The following MARCHF6 variants were observed in gnomAD, a reference collection of about 807,000 sequenced individuals.
MARCHF6 encodes E3 ubiquitin-protein ligase MARCHF6.
Under a neutral mutation model 133.7 loss-of-function variants are expected in MARCHF6, and 31 were observed. The ratio of observed to expected loss-of-function variants is 0.23; its 90% CI spans 0.17 to 0.31. The LOEUF is 0.31. Ranked by LOEUF, MARCHF6 falls within the 10% of genes least tolerant of loss-of-function variation. The pLI is 1.00. For missense variants in MARCHF6, 723 were observed against 1,121.6 expected (o/e 0.64, Z 5.08); for synonymous variants, 395 against 402.5 (o/e 0.98, Z 0.22).
intron 6 of MARCHF6, among the ~76,000 whole-genome samples, chr5:10,391,198 T>A (rs1002164696): frequency 6.6e-6 from 1 of 152,190 alleles, no homozygotes; most frequent in Non-Finnish European, 1.5e-5. Flanking sequence ...AGTGGCATGA[T>A]CACACCTAAC....
intron 1 of MARCHF6, among the ~76,000 whole-genome samples, chr5:10,369,050 A>G (rs973971782): frequency 2.0e-5 from 3 of 152,190 alleles, no homozygotes; most frequent in African/African-American, 7.2e-5. Context: ...TGGAAGCTCC[A>G]TCCCTTACTG....
chr5:10,400,864 AGTTACTTTCATTCATTACTC>A, intron 11 of MARCHF6, 22 bp downstream of exon 11: 1 of 1,556,242 alleles, frequency 6.4e-7, no homozygotes, highest in Admixed American at 1.7e-5. Context: ...ACTTTTACAA[AGTTACTTTCATTCATTACTC>A]CCAAATGTGA....
Position 10,434,658 on chromosome 5 carries a change from G to GGTT in MARCHF6, c.*977_*979dup, listed in dbSNP as rs999050913. On this transcript the variant is annotated 3_prime_UTR_variant, in exon 26 of 26. Transcript: ENST00000274140. Reference sequence around the variant, plus strand: ...TGAGATGCTTGTGAAGTATAGATGTGGTTGTGGTCTTAGATTGACAGCATT... The same window carrying GGTT: ...TGAGATGCTTGTGAAGTATAGATGTGGTTGTTGTGGTCTTAGATTGACAGCATT... The GGTT allele has an allele frequency of 1.5e-4, 23 of 152,436 alleles. No homozygotes were observed. Among genetic ancestry groups the GGTT allele is most frequent in the Admixed American group, 4.6e-4 (7 of 15,258 alleles). The allele number at this position is 152,436 out of a possible 1,614,324, so 9.4% of individuals were successfully genotyped here.
At chr5:10,424,881 G>A (rs979527085) in intron 23 of MARCHF6, among the ~76,000 whole-genome samples, 3 of 152,206 alleles carry the variant, frequency 2.0e-5, no homozygotes, top group African/African-American at 7.2e-5. Context: ...CTTGGAAAAG[G>A]TAGACTGTGC....
Position 10,403,364 on chromosome 5 carries a change from G to A in MARCHF6, c.1198-43G>A, listed in dbSNP as rs767831153. ...AGATGAAAATGTTAACTTGGCAAAT[G>A]TAGGGGGCACAGATTTCTCTTACCT... On this transcript the variant is annotated intron_variant, in intron 14 of 25. Coordinates refer to ENST00000274140, the MANE Select transcript of MARCHF6 (RefSeq NM_005885.4). 8 of 1,579,928 alleles carry A rather than the reference G, an allele frequency of 5.1e-6. No individual in the cohort carries two copies. The East Asian group carries it at 1.8e-4, about 36-fold the overall frequency.
At chr5:10,381,692 T>G (rs1737156123) in intron 3 of MARCHF6, 108 bp from the exon 4 acceptor site, 2 of 836,792 alleles carry the variant, frequency 2.4e-6, no homozygotes, top group Non-Finnish European at 1.8e-6. Flanking sequence ...GGAAAAAAAT[T>G]AAGCACAAGG....
chr5:10,378,600 A>T (rs543416193), intron 2 of MARCHF6, among the ~76,000 whole-genome samples, 159 bp from the exon 3 acceptor site: 1 of 152,358 alleles, frequency 6.6e-6, no homozygotes, highest in Non-Finnish European at 1.5e-5. Flanking sequence ...TTTCATTCTT[A>T]GAAGGCAGTT....
At chr5:10,427,491 GTT>G (rs1740148487) in intron 24 of MARCHF6, among the ~76,000 whole-genome samples, 1 of 152,200 alleles carries the variant, frequency 6.6e-6, no homozygotes, top group South Asian at 2.1e-4. Context: ...TATACTCTGA[GTT>G]TTGATTAAAC....
chr5:10,422,454 C>G (rs753544746), intron 22 of MARCHF6, among the ~76,000 whole-genome samples: 1 of 152,022 alleles, frequency 6.6e-6, no homozygotes, highest in East Asian at 1.9e-4. Context: ...TTATTAGACA[C>G]GGGGAAATCA....
intron 1 of MARCHF6, among the ~76,000 whole-genome samples, chr5:10,356,049 C>G (rs939118989): frequency 6.6e-6 from 1 of 152,006 alleles, no homozygotes; most frequent in Non-Finnish European, 1.5e-5. Context: ...TGGAAGTCTT[C>G]TGACATTTTT....
intron 22 of MARCHF6, among the ~76,000 whole-genome samples, chr5:10,422,615 C>T (rs1004849383): frequency 1.3e-5 from 2 of 152,116 alleles, no homozygotes; most frequent in African/African-American, 2.4e-5. Context: ...GTTCACCTAT[C>T]AGGGTGAAGA....
In MARCHF6 at chr5:10,378,745, A is replaced by G. The variant is rs780587938; in HGVS notation, c.117-14A>G. 5.6e-5 allele frequency: 85 copies of G among 1,517,758 alleles called. No homozygotes were observed. Among genetic ancestry groups the G allele is most frequent in the Middle Eastern group, 3.4e-4 (2 of 5,806 alleles). 94.0% of individuals were successfully genotyped at this position (1,517,758 alleles called of 1,614,324 possible). ...CTGTAAACACTGTACTTATGAATCT[A>G]TTTATAATTACAGCTTAGTTCAATG... On this transcript the variant is annotated splice_polypyrimidine_tract_variant and intron_variant, in intron 2 of 25. Transcript: ENST00000274140.
chr5:10,438,863 T>A lies in MARCHF6; in HGVS notation c.*5179T>A, dbSNP rs973909542. ...TCCCCCTGCCATTACTCTTTCAGCC[T>A]TCTGCAATCTAGTTCTACTTAGTCA... is the stretch of plus-strand genomic sequence containing the variant. On this transcript the variant is annotated 3_prime_UTR_variant, in exon 26 of 26. Transcript: ENST00000274140. 2.6e-5 allele frequency: 4 copies of A among 152,264 alleles called. No individual in the cohort carries two copies. Among genetic ancestry groups the A allele is most frequent in the African/African-American group, 9.6e-5 (4 of 41,458 alleles). 9.4% of individuals were successfully genotyped at this position (152,264 alleles called of 1,614,324 possible). A position where few individuals can be genotyped will look rare whatever the true frequency, so the allele number is the denominator to read the frequency against.
chr5:10,396,595 G>T (rs1738204885), intron 9 of MARCHF6, among the ~76,000 whole-genome samples: 1 of 152,186 alleles, frequency 6.6e-6, no homozygotes, highest in South Asian at 2.1e-4. Flanking sequence ...CTTGATGGTT[G>T]CGGGGAAGGT....
chr5:10,390,511 T>C lies in MARCHF6; in HGVS notation c.576+11T>C. Reference sequence around the variant, plus strand: ...CATCACCAAAATGAGGTAACTCCCCTACCCCAAAATTGATTTTACTTAGGT... The same window carrying C: ...CATCACCAAAATGAGGTAACTCCCCCACCCCAAAATTGATTTTACTTAGGT... On this transcript the variant is annotated intron_variant, in intron 6 of 25. Transcript: ENST00000274140. The C allele has an allele frequency of 6.2e-7, 1 of 1,609,076 alleles. No homozygotes were observed. The highest frequency in any genetic ancestry group is 1.1e-5 in the South Asian group (1 of 90,550).
chr5:10,363,191 G>C (rs1480541800), intron 1 of MARCHF6, among the ~76,000 whole-genome samples: 1 of 152,158 alleles, frequency 6.6e-6, no homozygotes, highest in Admixed American at 6.5e-5. Context: ...GGATAAATCA[G>C]ATGGCATCAA....
intron 10 of MARCHF6, 66 bp downstream of exon 10, chr5:10,397,410 T>A: frequency 1.7e-6 from 2 of 1,146,782 alleles, no homozygotes; most frequent in Non-Finnish European, 2.5e-6. Flanking sequence ...GTAGGAGCCT[T>A]GTTATAGGTT....
chr5:10,395,098 C>T (rs778611930), intron 9 of MARCHF6, among the ~76,000 whole-genome samples: 1 of 152,158 alleles, frequency 6.6e-6, no homozygotes, highest in Non-Finnish European at 1.5e-5. Context: ...CGCGCCCGGC[C>T]AAAACTAATT....
intron 1 of MARCHF6, among the ~76,000 whole-genome samples, chr5:10,356,506 C>A (rs1381612655): frequency 6.6e-6 from 1 of 151,842 alleles, no homozygotes; most frequent in South Asian, 2.1e-4. Context: ...AGCGATTCTC[C>A]TGTCTCAGCC....
Sources: gnomAD v4.1 joint callset for allele counts (sites outside exome capture counted in the v4.1 genomes callset) on GRCh38, gnomAD v4.1.1 for gene constraint, MANE v1.5 for transcripts, NCBI Gene and HGNC (gene_info 2026-07-23, HGNC 2026-07-21) for gene names.